The following NBAS variants were observed in gnomAD, a reference collection of about 807,000 sequenced individuals.
The protein encoded by NBAS is NAG/BC035112 fusion.
NBAS carries 219 observed loss-of-function variants against 302.5 expected under a neutral mutation model. The ratio of observed to expected loss-of-function variants is 0.72; its 90% CI spans 0.65 to 0.81. The LOEUF (loss-of-function observed/expected upper bound fraction) is 0.81. Among genes scored for constraint, NBAS ranks in the 30% least tolerant of loss-of-function variants. The pLI is 0.00. For missense variants in NBAS, 2,932 were observed against 2,841.6 expected, an observed-to-expected ratio of 1.03 and a Z score of -0.72; for synonymous variants, 1,118 against 1,021.6, an observed-to-expected ratio of 1.09 and a Z score of -1.80.
chr2:14,882,516 T>C, the NBAS span, among the ~76,000 whole-genome samples: 3 of 152,114 alleles, frequency 2.0e-5, no homozygotes, highest in Non-Finnish European at 4.4e-5. Context: ...AATGAGCTCA[T>C]TGGAAAGGTT....
chr2:15,113,332 T>TGTGTGC, the NBAS span, among the ~76,000 whole-genome samples: 3 of 149,774 alleles, frequency 2.0e-5, no homozygotes, highest in Admixed American at 2.0e-4. Flanking sequence ...TGTGTGTGTG[T>TGTGTGC]GTGTGTGTGT....
At chr2:15,506,219 A>T (rs1572942891) in intron 10 of NBAS, among the ~76,000 whole-genome samples, 1 of 152,086 alleles carries the variant, frequency 6.6e-6, no homozygotes, top group East Asian at 1.9e-4. Context: ...ATTTAAAATT[A>T]TAATCCATGA....
intron 44 of NBAS, among the ~76,000 whole-genome samples, chr2:15,240,294 C>T (rs995961165): frequency 1.3e-5 from 2 of 151,896 alleles, no homozygotes; most frequent in South Asian, 2.1e-4. Flanking sequence ...CTACTAGCTC[C>T]CTCCAAGTCA....
the NBAS span, among the ~76,000 whole-genome samples, chr2:15,138,711 C>T: frequency 4.0e-5 from 6 of 151,696 alleles, no homozygotes; most frequent in Non-Finnish European, 5.9e-5. Context: ...AAAGCAATAA[C>T]CAATATTCAA....
the NBAS span, among the ~76,000 whole-genome samples, chr2:15,151,373 A>C: frequency 6.6e-6 from 1 of 152,208 alleles, no homozygotes; most frequent in African/African-American, 2.4e-5. Context: ...AACCCATCTA[A>C]ATGGGCATCT....
At chr2:15,023,235 T>C in the NBAS span, among the ~76,000 whole-genome samples, 1 of 152,162 alleles carries the variant, frequency 6.6e-6, no homozygotes, top group African/African-American at 2.4e-5. Context: ...ATCAACCAAG[T>C]AGCTAACTCA....
At chr2:14,822,164 T>A in the NBAS span, among the ~76,000 whole-genome samples, 3 of 152,232 alleles carry the variant, frequency 2.0e-5, no homozygotes, top group Non-Finnish European at 2.9e-5. Context: ...GTAGTGTTTG[T>A]CTCACTGAAA....
the NBAS span, among the ~76,000 whole-genome samples, chr2:14,848,761 C>A: frequency 4.7e-5 from 7 of 149,430 alleles, no homozygotes; most frequent in African/African-American, 1.8e-4. Context: ...TCAAGTGGGT[C>A]CCTGACCCCT....
the NBAS span, among the ~76,000 whole-genome samples, chr2:15,135,011 T>G: frequency 6.6e-6 from 1 of 152,176 alleles, no homozygotes; most frequent in Non-Finnish European, 1.5e-5. Context: ...AAAATAGATT[T>G]TAGACCTGAA....
intron 46 of NBAS, 118 bp from the exon 47 acceptor site, chr2:15,232,629 A>G (rs754538505): frequency 2.4e-6 from 2 of 828,748 alleles, no homozygotes; most frequent in Non-Finnish European, 2.0e-6. Context: ...CTGCCTGCCC[A>G]TAGTCATTTG....
chr2:15,234,778 A>G (rs1667522203), intron 45 of NBAS, 31 bp from the exon 46 acceptor site: 1 of 1,599,814 alleles, frequency 6.3e-7, no homozygotes. Flanking sequence ...GCACTTAAGT[A>G]TCAAATAGAA....
chr2:15,001,077 C>T, the NBAS span, among the ~76,000 whole-genome samples: 4 of 152,114 alleles, frequency 2.6e-5, no homozygotes, highest in Non-Finnish European at 5.9e-5. Flanking sequence ...AGTCATTGTC[C>T]TAACAATGTT....
chr2:15,522,327 T>C (rs1447458461), intron 9 of NBAS, among the ~76,000 whole-genome samples: 15 of 152,146 alleles, frequency 9.9e-5, no homozygotes, highest in Non-Finnish European at 2.2e-4. Flanking sequence ...TTGAAGATCA[T>C]GAGTTGAGAA....
chr2:15,394,397 G>C (rs1183733360), intron 27 of NBAS, 48 bp from the exon 28 acceptor site: 1 of 1,601,248 alleles, frequency 6.2e-7, no homozygotes, highest in Admixed American at 1.7e-5. Flanking sequence ...CAAACAAAAA[G>C]AGTCTAAGAA....
At chr2:15,323,676 C>A (rs569136618) in intron 38 of NBAS, among the ~76,000 whole-genome samples, 1 of 151,728 alleles carries the variant, frequency 6.6e-6, no homozygotes, top group South Asian at 2.1e-4. Flanking sequence ...GCATTAACAA[C>A]AACAAAAAAT....
chr2:15,297,463 C>T (rs1319186974), intron 40 of NBAS, among the ~76,000 whole-genome samples: 1 of 152,128 alleles, frequency 6.6e-6, no homozygotes, highest in Non-Finnish European at 1.5e-5. Flanking sequence ...GGCAGACTTC[C>T]CCCCTTGCTG....
chr2:15,266,047 T>A (rs1043915941), intron 44 of NBAS, among the ~76,000 whole-genome samples: 1 of 152,122 alleles, frequency 6.6e-6, no homozygotes, highest in Non-Finnish European at 1.5e-5. Flanking sequence ...TGGGAGTAGT[T>A]TCCCCCATGC....
At chr2:15,489,987 G>C (rs1341902083) in intron 11 of NBAS, among the ~76,000 whole-genome samples, 1 of 152,096 alleles carries the variant, frequency 6.6e-6, no homozygotes. Context: ...GCAAAACACA[G>C]CCCACATCCC....
At chr2:15,554,004 T>A (rs553009204) in intron 4 of NBAS, 57 bp downstream of exon 4, 1 of 1,442,788 alleles carries the variant, frequency 6.9e-7, no homozygotes, top group Admixed American at 1.7e-5. Flanking sequence ...TTAACGTCCA[T>A]AATGAAATGT....
Sources: gnomAD v4.1 joint callset for allele counts (sites outside exome capture counted in the v4.1 genomes callset) on GRCh38, gnomAD v4.1.1 for gene constraint, MANE v1.5 for transcripts, NCBI Gene and HGNC (gene_info 2026-07-23, HGNC 2026-07-21) for gene names.